Variants in TIMELESS observed in about 807,000 individuals in gnomAD.
The protein encoded by TIMELESS is timeless circadian regulator, also known as protein timeless homolog.
A neutral mutation model predicts 164.3 loss-of-function variants in TIMELESS; 124 were observed. The ratio of observed to expected loss-of-function variants is 0.75; its 90% CI spans 0.65 to 0.88. TIMELESS has a LOEUF of 0.88. Ranked by LOEUF, TIMELESS falls within the 40% of genes least tolerant of loss-of-function variation. The pLI is 0.00. For missense variants in TIMELESS, 1,422 were observed against 1,491.4 expected, an observed-to-expected ratio of 0.95 and a Z score of 0.77; for synonymous variants, 564 against 563.4, an observed-to-expected ratio of 1.00 and a Z score of -0.02.
intron 10 of TIMELESS, 99 bp from the exon 11 acceptor site, chr12:56,429,199 C>G (rs1214383126): frequency 7.0e-6 from 8 of 1,148,218 alleles, no homozygotes; most frequent in Admixed American, 2.7e-5. Context: ...TGGACACCGT[C>G]ATAATTTTTT....
At chr12:56,444,011 C>T (rs1243435809) in intron 1 of TIMELESS, among the ~76,000 whole-genome samples, 1 of 151,550 alleles carries the variant, frequency 6.6e-6, no homozygotes, top group African/African-American at 2.4e-5. Context: ...GATTATCTTG[C>T]CTCAGCTTCC....
At chr12:56,434,722 G>A (rs1023084169) in intron 1 of TIMELESS, among the ~76,000 whole-genome samples, 5 of 152,056 alleles carry the variant, frequency 3.3e-5, no homozygotes, top group Non-Finnish European at 5.9e-5. Context: ...GGGCAACAGA[G>A]CGAGACTCTG....
intron 26 of TIMELESS, among the ~76,000 whole-genome samples, chr12:56,420,046 A>ACATG (rs1881409880): frequency 1.1e-5 from 1 of 88,162 alleles, no homozygotes; most frequent in Non-Finnish European, 2.2e-5. Context: ...ATATATATAT[A>ACATG]TATGTGTGTG....
Position 56,438,974 on chromosome 12 carries a change from G to A in TIMELESS, c.-61-4743C>T, listed in dbSNP as rs138400176. Among the ~76,000 whole-genome samples the A allele has an allele frequency of 9.7e-3, 1,457 of 150,900 alleles. 18 individuals are homozygous for A. Among genetic ancestry groups the A allele is most frequent in the African/African-American group, 0.033 (1,361 of 41,152 alleles). On this transcript the variant is annotated intron_variant, in intron 1 of 28. Transcript: ENST00000553532. ...GAGGTCAGGAGTTGAGACCAGCCTG[G>A]CCAACATGGTGAAACCCTGTCTCTA...
At position 56,418,320 on chromosome 12, in the gene TIMELESS, G is replaced by C. The variant is rs753818132; in HGVS notation, c.3268C>G (p.Gln1090Glu). The C allele has an allele frequency of 2.5e-6, 4 of 1,613,598 alleles. No homozygotes were observed. The South Asian group carries it at 4.4e-5, about 18-fold the overall frequency. The change falls in exon 27 of 29, where the codon CAG becomes GAG. Residue 1090 changes from glutamine (Q) to glutamate (E), a missense_variant. Gln to Glu is a conservative substitution (Grantham distance 29). Transcript: ENST00000553532. ...AAAGAAGCTGCTGCCCTCCGGAGCT[G>C]GGTAGGACTCAGCTTGGCTGGAATT... ...WRIPAKLSPT[Q>E]LRRAAASLSQ...
In TIMELESS at chr12:56,417,432, C is replaced by A; in HGVS notation, c.*284G>T. On this transcript the variant is annotated 3_prime_UTR_variant, in exon 29 of 29. Coordinates refer to ENST00000553532, the MANE Select transcript of TIMELESS (RefSeq NM_003920.5). The stretch of plus-strand genomic sequence containing the variant: ...CTATTTCACTCACTCCTCTTATTTG[C>A]TAAGGAGCTCCAATAACCAAAAGAA... The A allele has an allele frequency of 2.7e-6, 1 of 374,654 alleles. No homozygotes were observed. Among genetic ancestry groups the A allele is most frequent in the Non-Finnish European group, 4.9e-6 (1 of 205,238 alleles). The allele number at this position is 374,654 out of a possible 1,614,324, so 23.2% of individuals were successfully genotyped here. A position where few individuals can be genotyped will look rare whatever the true frequency, so the allele number is the denominator to read the frequency against.
At chr12:56,431,879 T>C (rs1342895788) in intron 7 of TIMELESS, among the ~76,000 whole-genome samples, 1 of 119,906 alleles carries the variant, frequency 8.3e-6, no homozygotes, top group Non-Finnish European at 1.9e-5. Context: ...GTTCTATGTT[T>C]TATAGAATGT....
At chr12:56,436,073 C>G (rs964167104) in intron 1 of TIMELESS, among the ~76,000 whole-genome samples, 1 of 151,976 alleles carries the variant, frequency 6.6e-6, no homozygotes, top group Admixed American at 6.6e-5. Context: ...AAACTCCATA[C>G]TGTCTATGGA....
intron 10 of TIMELESS, 95 bp from the exon 11 acceptor site, chr12:56,429,195 C>A: frequency 8.3e-7 from 1 of 1,202,742 alleles, no homozygotes; most frequent in Non-Finnish European, 1.1e-6. Flanking sequence ...ATGCTGGACA[C>A]CGTCATAATT....
chr12:56,420,048 A>ATATATGTGTG (rs1473074484), intron 26 of TIMELESS, among the ~76,000 whole-genome samples: 91 of 87,296 alleles, frequency 1.0e-3, no homozygotes, highest in African/African-American at 4.3e-3. Flanking sequence ...ATATATATAT[A>ATATATGTGTG]TGTGTGTGTG....
intron 1 of TIMELESS, among the ~76,000 whole-genome samples, chr12:56,435,869 G>A (rs567091877): frequency 1.3e-5 from 2 of 150,510 alleles, no homozygotes; most frequent in African/African-American, 2.5e-5. Context: ...TGAGGCAGGA[G>A]AATGGAGTGA....
rs1346966504 is a variant in TIMELESS at position 56,432,370 on chromosome 12, T to G, written c.686A>C (p.Gln229Pro). 1 of 1,612,786 alleles carries G rather than the reference T, an allele frequency of 6.2e-7. No homozygotes were observed. The highest frequency in any genetic ancestry group is 1.3e-5 in the African/African-American group (1 of 74,916). Residue 229 changes from glutamine to proline, a missense_variant and splice_region_variant, in exon 7 of 29, where the codon CAG becomes CCG. Transcript: ENST00000553532. ...TCGGGCAATAGGCCAGGGTCTCACC[T>G]GGTCACGAAACATAAGGGAGACAAT... Reference protein sequence around the residue: ...LEIVSLMFRDQNPEQLAGVGQ... With the variant: ...LEIVSLMFRDPNPEQLAGVGQ...
rs79947388 is a variant in TIMELESS, at chr12:56,432,640, G to C, written c.532-116C>G. The C allele has an allele frequency of 6.4e-3, 9,170 of 1,426,940 alleles. 37 individuals are homozygous for C. Among genetic ancestry groups the C allele is most frequent in the Non-Finnish European group, 7.2e-3 (7,594 of 1,061,032 alleles). The allele number at this position is 1,426,940 out of a possible 1,614,324, so 88.4% of individuals were successfully genotyped here. The stretch of plus-strand genomic sequence containing the variant: ...CCTCTCCCAGACTTGTCAGAGGACA[G>C]AATAGCCCAAAAAGGGCAGCTTGGC... On this transcript the variant is annotated intron_variant, in intron 6 of 28. Coordinates refer to ENST00000553532, the MANE Select transcript of TIMELESS (RefSeq NM_003920.5).
chr12:56,437,468 C>T (rs372367685), intron 1 of TIMELESS, among the ~76,000 whole-genome samples: 1 of 151,120 alleles, frequency 6.6e-6, no homozygotes, highest in Non-Finnish European at 1.5e-5. Flanking sequence ...CAGGCTGGCA[C>T]CCAGGAGTGC....
At chr12:56,422,645 A>G (rs1279745274) in intron 19 of TIMELESS, among the ~76,000 whole-genome samples, 2 of 152,250 alleles carry the variant, frequency 1.3e-5, no homozygotes, top group South Asian at 2.1e-4. Context: ...CTAGATACAC[A>G]CTAGACTTAG....
rs751253357 is a variant in TIMELESS, at chr12:56,433,978, C to T, written c.98-52G>A. On this transcript the variant is annotated intron_variant, in intron 2 of 28. Transcript: ENST00000553532. The stretch of plus-strand genomic sequence containing the variant: ...GTGGAACCTTGGAAGAAGCTCCATC[C>T]AGACCCACATCTTTTCACACCCATG... 7 of 1,612,448 alleles carry T rather than the reference C, an allele frequency of 4.3e-6. No individual in the cohort carries two copies. The South Asian group carries it at 6.6e-5, about 15-fold the overall frequency.
chr12:56,424,750 C>A lies in TIMELESS; in HGVS notation c.1868+12G>T. On this transcript the variant is annotated intron_variant, in intron 15 of 28. Coordinates refer to ENST00000553532, the MANE Select transcript of TIMELESS (RefSeq NM_003920.5). Reference sequence around the variant, plus strand: ...CCCAAAGCCCAAGAGGATGAGCAGGCAGGGTTCTTACCGAGCAGACCTCAG... The same window carrying A: ...CCCAAAGCCCAAGAGGATGAGCAGGAAGGGTTCTTACCGAGCAGACCTCAG... 3 of 1,611,942 alleles carry A rather than the reference C, an allele frequency of 1.9e-6. No individual in the cohort carries two copies. The highest frequency in any genetic ancestry group is 2.5e-6 in the Non-Finnish European group (3 of 1,178,732).
intron 1 of TIMELESS, among the ~76,000 whole-genome samples, chr12:56,443,853 C>T (rs192371133): frequency 5.7e-4 from 87 of 151,722 alleles, no homozygotes; most frequent in African/African-American, 1.8e-3. Flanking sequence ...TAGCCTGCAA[C>T]CTGAGCAGGG....
At position 56,434,930 on chromosome 12, in the gene TIMELESS, C is replaced by T. The variant is rs775101312; in HGVS notation, c.-61-699G>A. Among the ~76,000 whole-genome samples, 53 of 152,260 alleles carry T rather than the reference C, an allele frequency of 3.5e-4. 1 individual carries two copies. The Middle Eastern group carries it at 0.02, about 59-fold the overall frequency. ...GCACACACCTGCACTCCTACCTACT[C>T]GGGAGGCCGGCTGAGATGAGAGGAC... On this transcript the variant is annotated intron_variant, in intron 1 of 28. Transcript: ENST00000553532.
Sources: allele counts gnomAD v4.1 joint callset (sites outside exome capture counted in the v4.1 genomes callset), GRCh38; gene constraint gnomAD v4.1.1; transcripts MANE v1.5; gene names NCBI Gene and HGNC (gene_info 2026-07-23, HGNC 2026-07-21).